The following NCALD variants were observed in gnomAD, a reference collection of about 807,000 sequenced individuals.
NCALD encodes neurocalcin-delta.
In NCALD, 10 loss-of-function variants were observed where a neutral mutation model predicts 18.6. The observed-to-expected ratio is 0.54, with a 90% CI of 0.33 to 0.91. The LOEUF (loss-of-function observed/expected upper bound fraction) is 0.91, where lower values mean the gene tolerates loss of function less well. Ranked by LOEUF, NCALD falls within the 40% of genes least tolerant of loss-of-function variation. The pLI is 0.03. For synonymous variants in NCALD, 88 were observed against 87.4 expected (o/e 1.01, Z -0.04); for missense variants, 184 against 247.6 (o/e 0.74, Z 1.72).
At chr8:102,011,013 GGT>G (rs2132065148) in intron 2 of NCALD, among the ~76,000 whole-genome samples, 1 of 152,286 alleles carries the variant, frequency 6.6e-6, no homozygotes, top group African/African-American at 2.4e-5. Context: ...TGTCACGTCT[GGT>G]TCCTTTTTAA....
At chr8:101,926,359 A>G (rs1280839341) in intron 2 of NCALD, among the ~76,000 whole-genome samples, 1 of 152,054 alleles carries the variant, frequency 6.6e-6, no homozygotes, top group Non-Finnish European at 1.5e-5. Flanking sequence ...GTCTCAGTTT[A>G]TTTCTGTTGA....
chr8:101,911,014 C>T (rs1817775835), intron 3 of NCALD, among the ~76,000 whole-genome samples: 1 of 152,192 alleles, frequency 6.6e-6, no homozygotes. Context: ...TTACTCTAAT[C>T]TACTTCCTAT....
chr8:101,962,217 G>T (rs973591714), intron 2 of NCALD, among the ~76,000 whole-genome samples: 1 of 152,170 alleles, frequency 6.6e-6, no homozygotes, highest in Non-Finnish European at 1.5e-5. Flanking sequence ...CAACAAGTTT[G>T]AAAACAATGC....
At chr8:101,778,567 A>C (rs1304029448) in intron 1 of NCALD, among the ~76,000 whole-genome samples, 2 of 152,182 alleles carry the variant, frequency 1.3e-5, no homozygotes, top group Non-Finnish European at 1.5e-5. Flanking sequence ...AAAGATGCTC[A>C]GTGGAAAGTC....
intron 4 of NCALD, among the ~76,000 whole-genome samples, chr8:101,809,378 T>C (rs1424236884): frequency 1.3e-5 from 2 of 152,162 alleles, no homozygotes; most frequent in African/African-American, 2.4e-5. Flanking sequence ...AAAGAGTTTC[T>C]CACAGGAAAC....
intron 2 of NCALD, among the ~76,000 whole-genome samples, chr8:101,980,281 A>AAT (rs1325316474): frequency 1.2e-4 from 18 of 152,222 alleles, no homozygotes; most frequent in Middle Eastern, 3.2e-3. Context: ...GCTGTGTCAC[A>AAT]GTTATGCCAT....
Position 102,034,216 on chromosome 8 carries a change from T to C in NCALD, c.-209-13927A>G, listed in dbSNP as rs553753520. Among the ~76,000 whole-genome samples the C allele has an allele frequency of 4.6e-5, 7 of 152,302 alleles. No homozygotes were observed. The East Asian group carries it at 1.3e-3, about 29-fold the overall frequency. On this transcript the variant is annotated intron_variant, in intron 1 of 6. Transcript: ENST00000311028. ...TAACTACAAACTAGGTGGTTAACTT[T>C]ACAATTTAGTCTTTTAAGTTACATG...
intron 2 of NCALD, among the ~76,000 whole-genome samples, chr8:101,951,757 C>T (rs895405998): frequency 2.0e-5 from 3 of 152,200 alleles, no homozygotes; most frequent in African/African-American, 7.2e-5. Flanking sequence ...CAATAAGTTT[C>T]CACGATGGAT....
intron 1 of NCALD, among the ~76,000 whole-genome samples, chr8:101,725,941 T>C (rs1041219709): frequency 2.0e-5 from 3 of 151,962 alleles, no homozygotes; most frequent in African/African-American, 7.3e-5. Flanking sequence ...TGTTGGAATT[T>C]TGAATAAGAA....
chr8:101,822,924 T>G (rs1310062612), intron 4 of NCALD, among the ~76,000 whole-genome samples: 2 of 152,214 alleles, frequency 1.3e-5, no homozygotes, highest in African/African-American at 4.8e-5. Context: ...TTGACATACC[T>G]AACATGGCTT....
At position 102,030,748 on chromosome 8, in the gene NCALD, C is replaced by T. The variant is rs573581900; in HGVS notation, c.-209-10459G>A. Among the ~76,000 whole-genome samples the T allele has an allele frequency of 3.3e-5, 5 of 151,944 alleles. No homozygotes were observed. In the South Asian group the frequency reaches 6.3e-4, roughly 19 times the overall value. On this transcript the variant is annotated intron_variant, in intron 1 of 6. Coordinates refer to the NCALD transcript ENST00000311028. ...AAAATTAGCTGGATGTGGTGGTGCA[C>T]GCCTGTAATCCCAGCTACTTGGGAG...
intron 1 of NCALD, among the ~76,000 whole-genome samples, chr8:101,761,887 T>C (rs1811123811): frequency 6.6e-6 from 1 of 152,172 alleles, no homozygotes; most frequent in Non-Finnish European, 1.5e-5. Flanking sequence ...CTTTTTCTCT[T>C]CCCCCGTTTC....
At chr8:101,904,598 G>T (rs922514733) in intron 3 of NCALD, among the ~76,000 whole-genome samples, 9 of 152,068 alleles carry the variant, frequency 5.9e-5, no homozygotes, top group African/African-American at 2.2e-4. Flanking sequence ...CTGGAAAACA[G>T]CCTCCACCTC....
intron 3 of NCALD, among the ~76,000 whole-genome samples, chr8:101,898,655 T>G (rs1300903417): frequency 6.6e-6 from 1 of 152,138 alleles, no homozygotes; most frequent in Non-Finnish European, 1.5e-5. Flanking sequence ...TGTTTTATTT[T>G]AAGTGTATGA....
At chr8:101,760,190 G>A (rs529691883) in intron 1 of NCALD, among the ~76,000 whole-genome samples, 6 of 152,098 alleles carry the variant, frequency 3.9e-5, no homozygotes, top group Non-Finnish European at 5.9e-5. Context: ...AATTTGTCAC[G>A]CCAAGAACAC....
At chr8:101,884,713 TG>T (rs1009133363) in intron 4 of NCALD, among the ~76,000 whole-genome samples, 1 of 152,182 alleles carries the variant, frequency 6.6e-6, no homozygotes, top group African/African-American at 2.4e-5. Context: ...TTTTTGTTTT[TG>T]TTTTTCACCG....
At chr8:101,861,124 C>T (rs1005724891) in intron 4 of NCALD, among the ~76,000 whole-genome samples, 1 of 152,084 alleles carries the variant, frequency 6.6e-6, no homozygotes, top group Non-Finnish European at 1.5e-5. Flanking sequence ...CAGCTCAGTG[C>T]GTCTGTTTAG....
intron 1 of NCALD, among the ~76,000 whole-genome samples, chr8:102,105,024 C>T (rs890720869): frequency 4.6e-5 from 7 of 152,142 alleles, no homozygotes; most frequent in Non-Finnish European, 1.0e-4. Context: ...GTAGAGAGGA[C>T]GTGCCTGAGG....
At chr8:101,809,164 T>C (rs1813216525) in intron 4 of NCALD, among the ~76,000 whole-genome samples, 1 of 152,196 alleles carries the variant, frequency 6.6e-6, no homozygotes, top group South Asian at 2.1e-4. Context: ...AGTATTAAAT[T>C]AGTAAACTTT....
Sources: allele counts gnomAD v4.1 joint callset (sites outside exome capture counted in the v4.1 genomes callset), GRCh38; gene constraint gnomAD v4.1.1; transcripts MANE v1.5; gene names NCBI Gene and HGNC (gene_info 2026-07-23, HGNC 2026-07-21).